CHD5: variants seen among roughly 807,000 people sequenced by gnomAD.
The protein encoded by CHD5 is chromodomain helicase DNA binding protein 5, also known as ATP-dependent chromatin remodeler CHD5.
CHD5 carries 69 observed loss-of-function variants against 230.3 expected under a neutral mutation model. The observed-to-expected ratio is 0.30, with a 90% CI of 0.25 to 0.37. CHD5 has a LOEUF of 0.37. Ranked by LOEUF, CHD5 falls within the 10% of genes least tolerant of loss-of-function variation. CHD5 has a pLI of 1.00. For missense variants in CHD5, 1,827 were observed against 2,622.8 expected (o/e 0.70, Z 6.63); for synonymous variants, 1,064 against 1,065.9 (o/e 1.00, Z 0.03).
chr1:6,128,345 A>T lies in CHD5; in HGVS notation c.3731-127T>A. The T allele has an allele frequency of 8.6e-7, 1 of 1,157,900 alleles. No individual in the cohort carries two copies. The highest frequency in any genetic ancestry group is 1.5e-5 in the African/African-American group (1 of 66,350). The allele number at this position is 1,157,900 out of a possible 1,614,324, so 71.7% of individuals were successfully genotyped here. The stretch of plus-strand genomic sequence containing the variant: ...GGGGCTGCAGCTGAGAGGCATGGTG[A>T]CCAGACAGAGGAAACTGCGCTGTAA... On this transcript the variant is annotated intron_variant, in intron 24 of 41. Coordinates refer to ENST00000262450, the MANE Select transcript of CHD5 (RefSeq NM_015557.3). The surrounding 1 kb of genome is among the most constrained non-coding windows in gnomAD (Gnocchi z 7.8).
rs1666906210 is a variant in CHD5 at position 6,146,069 on chromosome 1, C to T, written c.1802+143G>A. Reference sequence around the variant, plus strand: ...GGGAACCCTGGGCCCTTCCTTGTGCCCCTGCTGTGCCCACATGTGGTTCTG... The same window carrying T: ...GGGAACCCTGGGCCCTTCCTTGTGCTCCTGCTGTGCCCACATGTGGTTCTG... On this transcript the variant is annotated intron_variant, in intron 11 of 41. Coordinates refer to ENST00000262450, the MANE Select transcript of CHD5 (RefSeq NM_015557.3). This position sits in a 1 kb window ranked among gnomAD's most constrained non-coding sequence, Gnocchi z 5.1. 1.3e-6 allele frequency: 1 copy of T among 743,484 alleles called. No homozygotes were observed. The highest frequency in any genetic ancestry group is 1.7e-5 in the African/African-American group (1 of 57,372). The allele number at this position is 743,484 out of a possible 1,614,324, so 46.1% of individuals were successfully genotyped here.
intron 33 of CHD5, among the ~76,000 whole-genome samples, chr1:6,114,035 G>A (rs2100834156): frequency 6.6e-6 from 1 of 152,270 alleles, no homozygotes; most frequent in East Asian, 1.9e-4. Context: ...GGATCACAAG[G>A]TCAGGAGTTC....
At chr1:6,137,562 G>A (rs1331070685) in intron 15 of CHD5, among the ~76,000 whole-genome samples, 2 of 152,110 alleles carry the variant, frequency 1.3e-5, no homozygotes, top group Non-Finnish European at 2.9e-5. Context: ...CAAACTCCCG[G>A]CCTCAAGCAA....
Position 6,142,326 on chromosome 1 carries a change from G to A in CHD5, c.2238C>T (p.Gly746=). 6.2e-7 allele frequency: 1 copy of A among 1,602,346 alleles called. No homozygotes were observed. Among genetic ancestry groups the A allele is most frequent in the Non-Finnish European group, 8.5e-7 (1 of 1,170,354 alleles). Residue 746 remains glycine (G), a splice_region_variant and synonymous_variant, in exon 15 of 42, where the codon GGC becomes GGT. Transcript: ENST00000262450. This position sits in a 1 kb window ranked among gnomAD's most constrained non-coding sequence, Gnocchi z 5.2. ...TAACCAGGTAGGGCCCTTTGGAGTG[G>A]CCCTGGAGAGAGAGGCCGATGCCGT... ...IVFLYSLYKE[G]HSKGPYLVSA... is the part of the protein sequence containing the mutation.
intron 35 of CHD5, 60 bp from the exon 36 acceptor site, chr1:6,111,943 G>T: frequency 6.7e-7 from 1 of 1,502,540 alleles, no homozygotes; most frequent in South Asian, 1.2e-5. Context: ...GCACAGGCAG[G>T]CTTGGAGAGC....
chr1:6,124,729 G>A lies in CHD5; in HGVS notation c.4395-68C>T, dbSNP rs1358420417. On this transcript the variant is annotated intron_variant, in intron 29 of 41. Transcript: ENST00000262450. ...CGGCAAGAACCCTCTGAGAGGGCTG[G>A]CAGGACCCCAGGGGAACTCCTGGCT... 1.1e-5 allele frequency: 11 copies of A among 999,886 alleles called. No homozygotes were observed. The Admixed American group carries it at 2.2e-4, about 20-fold the overall frequency. The allele number at this position is 999,886 out of a possible 1,614,324, so 61.9% of individuals were successfully genotyped here.
At chr1:6,122,451 G>C (rs1666486609) in intron 31 of CHD5, among the ~76,000 whole-genome samples, 1 of 152,176 alleles carries the variant, frequency 6.6e-6, no homozygotes, top group African/African-American at 2.4e-5. Flanking sequence ...ACCACCTCAT[G>C]CTCCCAGGAC....
At chr1:6,119,001 A>G (rs899052195) in intron 33 of CHD5, among the ~76,000 whole-genome samples, 50 of 151,682 alleles carry the variant, frequency 3.3e-4, no homozygotes, top group African/African-American at 1.2e-3. Flanking sequence ...CCCGACCTGA[A>G]TGGTATACTT....
At chr1:6,115,759 G>C (rs962983470) in intron 33 of CHD5, among the ~76,000 whole-genome samples, 2 of 152,148 alleles carry the variant, frequency 1.3e-5, no homozygotes, top group African/African-American at 4.8e-5. Context: ...TCGATACTTT[G>C]ATGTCCTGAA....
In CHD5 at chr1:6,154,902, T is replaced by C. The variant is rs1667057784; in HGVS notation, c.507-4A>G. ...GTTCTTCTTGGCAATGAGTGGCCTGTAGGGGGAGAGGCAGGAGGGTGAGGG... is the reference window on the plus strand; with the variant it reads ...GTTCTTCTTGGCAATGAGTGGCCTGCAGGGGGAGAGGCAGGAGGGTGAGGG... On this transcript the variant is annotated splice_region_variant and splice_polypyrimidine_tract_variant and intron_variant, in intron 4 of 41. Coordinates refer to ENST00000262450, the MANE Select transcript of CHD5 (RefSeq NM_015557.3). This position sits in a 1 kb window ranked among gnomAD's most constrained non-coding sequence, Gnocchi z 7.0. The C allele has an allele frequency of 6.8e-6, 11 of 1,612,234 alleles. No homozygotes were observed. The highest frequency in any genetic ancestry group is 1.7e-5 in the Admixed American group (1 of 59,902).
chr1:6,163,769 A>C (rs1241118404), intron 2 of CHD5, among the ~76,000 whole-genome samples: 1 of 152,188 alleles, frequency 6.6e-6, no homozygotes, highest in Admixed American at 6.5e-5. Flanking sequence ...TCCCTAACTA[A>C]GCCCCCGAAC....
rs140566184 is a variant in CHD5, at chr1:6,162,559, G to A, written c.208-3044C>T. The stretch of plus-strand genomic sequence containing the variant: ...TTGCTGTGTCCTGGGCAGGGGACTC[G>A]GCCAAGCCAGAGCAGGCTGCAGTCA... On this transcript the variant is annotated intron_variant, in intron 2 of 41. Transcript: ENST00000262450. Among the ~76,000 whole-genome samples, 125 of 152,200 alleles carry A rather than the reference G, an allele frequency of 8.2e-4. 2 individuals are homozygous for A. The East Asian group carries it at 0.011, about 13-fold the overall frequency.
chr1:6,148,268 C>T (rs1014232401), intron 9 of CHD5, among the ~76,000 whole-genome samples: 1 of 152,010 alleles, frequency 6.6e-6, no homozygotes, highest in Admixed American at 6.6e-5. Context: ...TGGGGGGTGA[C>T]GGATGGGGGG....
At chr1:6,119,075 A>G (rs1384969122) in intron 33 of CHD5, among the ~76,000 whole-genome samples, 1 of 152,032 alleles carries the variant, frequency 6.6e-6, no homozygotes, top group African/African-American at 2.4e-5. Context: ...TAAAAAAAAA[A>G]AAAGGAATAG....
In CHD5 at chr1:6,125,343, C is replaced by A; in HGVS notation, c.4261-110G>T. The A allele has an allele frequency of 7.9e-7, 1 of 1,258,880 alleles. No individual in the cohort carries two copies. The highest frequency in any genetic ancestry group is 2.5e-5 in the East Asian group (1 of 40,294). 78.0% of individuals were successfully genotyped at this position (1,258,880 alleles called of 1,614,324 possible). ...GGAGGAGGAGAAGGTAGGAAGGGGG[C>A]ACAGAGAAGGCAGGGGCCTCCACCT... is the stretch of plus-strand genomic sequence containing the variant. On this transcript the variant is annotated intron_variant, in intron 28 of 41. Transcript: ENST00000262450. This position sits in a 1 kb window ranked among gnomAD's most constrained non-coding sequence, Gnocchi z 6.7.
chr1:6,126,467 C>T lies in CHD5; in HGVS notation c.4078+105G>A, dbSNP rs1403411312. Reference sequence around the variant, plus strand: ...TCCTGGCACACTCGCCCAGCTCTCCCGGCCCGCACCTCCCGGGGGTTCTGC... The same window carrying T: ...TCCTGGCACACTCGCCCAGCTCTCCTGGCCCGCACCTCCCGGGGGTTCTGC... On this transcript the variant is annotated intron_variant, in intron 26 of 41. Coordinates refer to ENST00000262450, the MANE Select transcript of CHD5 (RefSeq NM_015557.3). The surrounding 1 kb of genome is among the most constrained non-coding windows in gnomAD (Gnocchi z 5.7). 24 of 647,836 alleles carry T rather than the reference C, an allele frequency of 3.7e-5. No individual in the cohort carries two copies. Among genetic ancestry groups the T allele is most frequent in the Admixed American group, 4.9e-5 (2 of 41,164 alleles). 40.1% of individuals were successfully genotyped at this position (647,836 alleles called of 1,614,324 possible).
chr1:6,151,650 G>T (rs924662242), intron 6 of CHD5, among the ~76,000 whole-genome samples: 53 of 152,326 alleles, frequency 3.5e-4, no homozygotes, highest in Admixed American at 2.7e-3. Context: ...AGCGGGCCTG[G>T]TACACAGTAT....
chr1:6,141,052 G>A (rs889548079), intron 15 of CHD5, among the ~76,000 whole-genome samples: 1 of 151,184 alleles, frequency 6.6e-6, no homozygotes, highest in Non-Finnish European at 1.5e-5. Flanking sequence ...GGGAGGCCAA[G>A]GCAGGCAGAT....
At chr1:6,148,648 G>C (rs1011815920) in intron 9 of CHD5, among the ~76,000 whole-genome samples, 1 of 152,210 alleles carries the variant, frequency 6.6e-6, no homozygotes, top group African/African-American at 2.4e-5. Context: ...CGTCTCTAGG[G>C]GAGTCAGACG....
Sources: allele counts gnomAD v4.1 joint callset (sites outside exome capture counted in the v4.1 genomes callset), GRCh38; gene constraint gnomAD v4.1.1; non-coding constraint Gnocchi (gnomAD v3.1); transcripts MANE v1.5; gene names NCBI Gene and HGNC (gene_info 2026-07-23, HGNC 2026-07-21).